Variants in CFAP47 observed in about 807,000 individuals in gnomAD.
CFAP47 encodes cilia- and flagella-associated protein 47.
A neutral mutation model predicts 148.1 loss-of-function variants in CFAP47; 29 were observed. The observed-to-expected ratio is 0.20, with a 90% confidence interval of 0.15 to 0.27. The LOEUF (loss-of-function observed/expected upper bound fraction) is 0.27. CFAP47 is among the 10% of genes least tolerant of loss of function. The pLI is 1.00. For missense variants in CFAP47, 1,872 were observed against 1,697.5 expected (o/e 1.10, Z -1.81); for synonymous variants, 664 against 577.3 (o/e 1.15, Z -2.15).
At position 36,379,262 on chromosome X, in the gene CFAP47, A is replaced by G; in HGVS notation, c.9186-88A>G. 3 of 822,589 alleles carry G rather than the reference A, an allele frequency of 3.6e-6. No homozygotes were observed. The Admixed American group carries it at 8.2e-5, about 23-fold the overall frequency. 67.8% of individuals were successfully genotyped at this position (822,589 alleles called of 1,213,427 possible). ...TAATGTTAACCAGGCCTATTGCAGCAGGATTCAAATTCTACTCATCAAGTT... is the reference window on the plus strand; with the variant it reads ...TAATGTTAACCAGGCCTATTGCAGCGGGATTCAAATTCTACTCATCAAGTT... On this transcript the variant is annotated intron_variant, in intron 62 of 63. Transcript: ENST00000378653.
In CFAP47 at chrX:35,948,464, C is replaced by T; in HGVS notation, c.656+12C>T. The T allele has an allele frequency of 8.5e-7, 1 of 1,170,595 alleles. No homozygotes were observed. Among genetic ancestry groups the T allele is most frequent in the Non-Finnish European group, 1.2e-6 (1 of 866,198 alleles). On this transcript the variant is annotated intron_variant, in intron 4 of 63. Transcript: ENST00000378653. ...GATGAAGAGGCAATGTGAGTATATA[C>T]TGTGGTTCTAAAAATTATAATACAG...
intron 2 of CFAP47, among the ~76,000 whole-genome samples, chrX:35,940,085 A>T (rs1365259061): frequency 3.6e-5 from 4 of 111,020 alleles, no homozygotes; most frequent in Non-Finnish European, 7.6e-5. Context: ...TGGCTGCATA[A>T]ATGTCTTCTT....
chrX:36,156,676 A>C (rs1012105901), intron 37 of CFAP47, among the ~76,000 whole-genome samples: 1 of 110,735 alleles, frequency 9.0e-6, no homozygotes, highest in Admixed American at 9.7e-5. Flanking sequence ...AAAAAATAAA[A>C]GGTAAAATAA....
At chrX:36,322,041 C>T (rs923590798) in intron 57 of CFAP47, among the ~76,000 whole-genome samples, 29 of 110,717 alleles carry the variant, frequency 2.6e-4, no homozygotes, top group African/African-American at 9.2e-4. Context: ...TGCTTTTTTG[C>T]TGTGTAATGA....
intron 24 of CFAP47, among the ~76,000 whole-genome samples, chrX:36,036,585 T>C (rs778419961): frequency 9.8e-5 from 11 of 111,933 alleles, no homozygotes; most frequent in African/African-American, 3.2e-4. Flanking sequence ...ATTTTTAATT[T>C]TTTGAGGAAC....
intron 2 of CFAP47, among the ~76,000 whole-genome samples, chrX:35,934,621 G>A (rs866510784): frequency 9.9e-5 from 11 of 111,113 alleles, no homozygotes; most frequent in African/African-American, 3.6e-4. Flanking sequence ...CTTATGTCAG[G>A]TGGAAGGAGT....
intron 44 of CFAP47, among the ~76,000 whole-genome samples, chrX:36,202,799 C>A (rs1373856617): frequency 1.8e-5 from 2 of 108,226 alleles, no homozygotes; most frequent in Non-Finnish European, 3.8e-5. Context: ...ATTGCTTGAA[C>A]CTGGGAGGTG....
intron 24 of CFAP47, among the ~76,000 whole-genome samples, chrX:36,037,516 C>T (rs1229289635): frequency 2.7e-5 from 3 of 111,067 alleles, no homozygotes; most frequent in African/African-American, 9.8e-5. Context: ...GCGCACTCCA[C>T]CATGCCTGGC....
chrX:36,250,351 T>TA (rs2146922270), intron 48 of CFAP47, among the ~76,000 whole-genome samples: 1 of 111,055 alleles, frequency 9.0e-6, no homozygotes, highest in African/African-American at 3.3e-5. Context: ...ATGTGGAATC[T>TA]AAAAAAGTTC....
At chrX:36,042,088 T>C (rs1042124138) in intron 25 of CFAP47, among the ~76,000 whole-genome samples, 5 of 111,107 alleles carry the variant, frequency 4.5e-5, no homozygotes, top group African/African-American at 1.6e-4. Flanking sequence ...AGAATAAAGG[T>C]ATGTGATATA....
At chrX:36,048,502 T>A (rs1333077241) in intron 26 of CFAP47, among the ~76,000 whole-genome samples, 2 of 111,831 alleles carry the variant, frequency 1.8e-5, no homozygotes, top group Non-Finnish European at 3.8e-5. Context: ...GGGGCCAACA[T>A]GCTTGGCTTT....
chrX:36,033,831 T>G (rs1937309027), intron 23 of CFAP47, among the ~76,000 whole-genome samples: 1 of 111,584 alleles, frequency 9.0e-6, no homozygotes, highest in Admixed American at 9.6e-5. Flanking sequence ...ATAGTTTTAT[T>G]TTAATAGCAG....
chrX:35,991,802 T>G lies in CFAP47; in HGVS notation c.2845-19T>G. ...CCATTAATTCAATTGTGTTTTTTCT[T>G]TCCTCCTCTCGTTATTAGCTTGGTC... On this transcript the variant is annotated intron_variant, in intron 16 of 63. Transcript: ENST00000378653. 3.4e-6 allele frequency: 1 copy of G among 293,602 alleles called. No individual in the cohort carries two copies. Among genetic ancestry groups the G allele is most frequent in the Non-Finnish European group, 5.9e-6 (1 of 168,312 alleles). The allele number at this position is 293,602 out of a possible 1,213,427, so 24.2% of individuals were successfully genotyped here. A position where few individuals can be genotyped will look rare whatever the true frequency, so the allele number is the denominator to read the frequency against.
chrX:36,175,939 A>G lies in CFAP47; in HGVS notation c.6027-3406A>G, dbSNP rs749373518. Among the ~76,000 whole-genome samples, 239 of 112,831 alleles carry G rather than the reference A, an allele frequency of 2.1e-3. 3 individuals are homozygous for G. The highest frequency in any genetic ancestry group is 9.1e-3 in the South Asian group (25 of 2,762). On this transcript the variant is annotated intron_variant, in intron 39 of 63. Coordinates refer to ENST00000378653, the MANE Select transcript of CFAP47 (RefSeq NM_001304548.2). ...CAGTTTGATCTCAGACTGCTGTGCT[A>G]GCAATCAGCGAGACTCCGTGGGCGT...
At chrX:36,115,686 GT>G (rs760585688) in intron 33 of CFAP47, among the ~76,000 whole-genome samples, 137 of 111,214 alleles carry the variant, frequency 1.2e-3, no homozygotes, top group Non-Finnish European at 2.2e-3. Flanking sequence ...ACAAAATTAG[GT>G]TTTTTTAAAA....
chrX:36,019,150 G>A (rs7880512), intron 22 of CFAP47, among the ~76,000 whole-genome samples: 2,749 of 111,586 alleles, frequency 0.025, 94 homozygotes, highest in African/African-American at 0.084. Flanking sequence ...GAAGTACACC[G>A]ACACACAGAT....
intron 15 of CFAP47, 103 bp downstream of exon 15, chrX:35,976,016 G>C: frequency 2.5e-6 from 2 of 798,422 alleles, no homozygotes; most frequent in Non-Finnish European, 3.6e-6. Flanking sequence ...CTGGTGCCAA[G>C]AGTATAGAAG....
In CFAP47 at chrX:36,149,876, T is replaced by TG. The variant is rs779785000; in HGVS notation, c.5786+656dup. On this transcript the variant is annotated intron_variant, in intron 37 of 63. Transcript: ENST00000378653. ...CACTCACCTCAGCCTCCCAAAGTGCTGGGATTACAGGCATGAGCCACTGTG... is the reference window on the plus strand; with the variant it reads ...CACTCACCTCAGCCTCCCAAAGTGCTGGGGATTACAGGCATGAGCCACTGTG... Among the ~76,000 whole-genome samples, 4 of 110,302 alleles carry TG rather than the reference T, an allele frequency of 3.6e-5. No individual in the cohort carries two copies. The East Asian group carries it at 1.1e-3, about 31-fold the overall frequency.
chrX:36,277,894 T>G (rs1556002928), intron 49 of CFAP47, among the ~76,000 whole-genome samples: 1 of 112,009 alleles, frequency 8.9e-6, no homozygotes, highest in African/African-American at 3.2e-5. Flanking sequence ...GTATCACCAG[T>G]AGAGGCTGCA....
Sources: gnomAD v4.1 joint callset for allele counts (sites outside exome capture counted in the v4.1 genomes callset) on GRCh38, gnomAD v4.1.1 for gene constraint, MANE v1.5 for transcripts, NCBI Gene and HGNC (gene_info 2026-07-23, HGNC 2026-07-21) for gene names.